Variants in RTL9 observed in about 807,000 individuals in gnomAD.
RTL9 encodes retrotransposon Gag like 9, also known as retrotransposon Gag-like protein 9.
A neutral mutation model predicts 44.7 loss-of-function variants in RTL9; 19 were observed. The ratio of observed to expected loss-of-function variants is 0.42; its 90% CI spans 0.30 to 0.62. The LOEUF (loss-of-function observed/expected upper bound fraction) is 0.62. Ranked by LOEUF, RTL9 falls within the 20% of genes least tolerant of loss-of-function variation. The probability of loss-of-function intolerance (pLI) is 0.16; values close to 1 mark genes in which losing one functional copy is unlikely to be tolerated. For synonymous variants in RTL9, 407 were observed against 398.9 expected (o/e 1.02, Z -0.24); for missense variants, 1,105 against 1,080.6 (o/e 1.02, Z -0.32).
intron 1 of RTL9, among the ~76,000 whole-genome samples, chrX:110,405,252 T>A (rs934500112): frequency 9.0e-6 from 1 of 111,388 alleles, no homozygotes; most frequent in African/African-American, 3.3e-5. Context: ...GGGAAGAAGA[T>A]GTAGAATGCC....
chrX:110,389,069 C>T (rs1328609182), intron 1 of RTL9, among the ~76,000 whole-genome samples: 2 of 111,785 alleles, frequency 1.8e-5, no homozygotes, highest in East Asian at 2.8e-4. Context: ...AATAGGTAGG[C>T]AATGAGATTA....
intron 1 of RTL9, among the ~76,000 whole-genome samples, chrX:110,392,429 G>A (rs1262625174): frequency 1.8e-5 from 2 of 110,221 alleles, no homozygotes; most frequent in Admixed American, 9.7e-5. Flanking sequence ...GTCATGTGCC[G>A]TCATGCCTGG....
At chrX:110,375,753 G>C (rs991557540) in intron 1 of RTL9, among the ~76,000 whole-genome samples, 20 of 112,084 alleles carry the variant, frequency 1.8e-4, no homozygotes, top group African/African-American at 5.5e-4. Flanking sequence ...AGTACTTTAA[G>C]GGTGAAATCA....
chrX:110,455,073 A>T, intron 1 of RTL9, 129 bp from the exon 4 acceptor site: 2 of 886,498 alleles, frequency 2.3e-6, no homozygotes, highest in Non-Finnish European at 3.2e-6. Context: ...CTCCTTGGTC[A>T]CACTGTATGC....
intron 1 of RTL9, among the ~76,000 whole-genome samples, chrX:110,390,772 T>C (rs1159284834): frequency 8.9e-6 from 1 of 112,247 alleles, no homozygotes; most frequent in Non-Finnish European, 1.9e-5. Context: ...GGTGAAATTG[T>C]TTTTTCATCT....
intron 1 of RTL9, among the ~76,000 whole-genome samples, chrX:110,440,528 T>C (rs2068872642): frequency 8.9e-6 from 1 of 111,824 alleles, no homozygotes; most frequent in Non-Finnish European, 1.9e-5. Flanking sequence ...TCCAACTTGC[T>C]GAAGTTGGTG....
chrX:110,453,333 G>A, exon 1 of RTL9: 1 of 1,211,530 alleles, frequency 8.3e-7, no homozygotes, highest in South Asian at 1.8e-5. Flanking sequence ...AAGAGCTCCA[G>A]CCTCTGGAAC....
intron 1 of RTL9, among the ~76,000 whole-genome samples, chrX:110,397,804 T>TG (rs1261193404): frequency 1.7e-4 from 19 of 111,431 alleles, no homozygotes; most frequent in Non-Finnish European, 3.2e-4. Flanking sequence ...GTAATGGACT[T>TG]GGGGGGGCAA....
At chrX:110,455,088 G>C in intron 1 of RTL9, 114 bp from the exon 4 acceptor site, 1 of 996,032 alleles carries the variant, frequency 1.0e-6, no homozygotes, top group East Asian at 3.1e-5. Context: ...GTATGCAAGT[G>C]AGATAAATTA....
intron 1 of RTL9, chrX:110,440,255 C>T (rs764330804): frequency 8.9e-6 from 1 of 111,808 alleles, no homozygotes; most frequent in South Asian, 3.8e-4. Flanking sequence ...GCAAGCAAAC[C>T]CGAAAACGGG....
At chrX:110,425,982 A>G (rs6655128) in intron 1 of RTL9, among the ~76,000 whole-genome samples, 8 of 103,375 alleles carry the variant, frequency 7.7e-5, no homozygotes, top group African/African-American at 2.1e-4. Flanking sequence ...GCGTGCGCGC[A>G]CACACACACA....
chrX:110,395,479 T>G (rs1202710784), intron 1 of RTL9, among the ~76,000 whole-genome samples: 1 of 111,873 alleles, frequency 8.9e-6, no homozygotes, highest in Non-Finnish European at 1.9e-5. Context: ...GTAATCCTCA[T>G]GTAATCCTAC....
At chrX:110,427,399 C>T (rs910897741) in intron 1 of RTL9, among the ~76,000 whole-genome samples, 4 of 111,840 alleles carry the variant, frequency 3.6e-5, no homozygotes, top group African/African-American at 1.3e-4. Flanking sequence ...AGTTAGAGTA[C>T]GTACTCATTA....
rs896925200 is a variant in RTL9 at position 110,405,365 on chromosome X, G to A, written c.-167-39788G>A. Among the ~76,000 whole-genome samples the A allele has an allele frequency of 3.6e-5, 4 of 111,454 alleles. No individual in the cohort carries two copies. In the East Asian group the frequency reaches 1.1e-3, roughly 31 times the overall value. Reference sequence around the variant, plus strand: ...TGAAAGGAGCCCCTTCTGAGCAAATGGGTAGCAGCGTAAAAGCCAAATTAA... The same window carrying A: ...TGAAAGGAGCCCCTTCTGAGCAAATAGGTAGCAGCGTAAAAGCCAAATTAA... On this transcript the variant is annotated intron_variant, in intron 1 of 2. Coordinates refer to the RTL9 transcript ENST00000520821.
chrX:110,448,371 G>A (rs1308484041), upstream of RTL9, among the ~76,000 whole-genome samples: 1 of 110,595 alleles, frequency 9.0e-6, no homozygotes, highest in Non-Finnish European at 1.9e-5. Context: ...CAGGACTCCT[G>A]TGTCTGTTCA....
At chrX:110,375,543 T>C (rs1205969645) in intron 1 of RTL9, among the ~76,000 whole-genome samples, 3 of 105,408 alleles carry the variant, frequency 2.8e-5, no homozygotes, top group African/African-American at 1.2e-4. Flanking sequence ...AATAGATGAA[T>C]GAATGAATGA....
intron 1 of RTL9, among the ~76,000 whole-genome samples, chrX:110,429,172 T>G (rs1460072323): frequency 8.9e-6 from 1 of 112,162 alleles, no homozygotes; most frequent in Non-Finnish European, 1.9e-5. Flanking sequence ...ATAATTATTT[T>G]TATATGTGTG....
intron 1 of RTL9, among the ~76,000 whole-genome samples, chrX:110,363,734 C>T (rs1256569196): frequency 9.0e-6 from 1 of 111,589 alleles, no homozygotes; most frequent in African/African-American, 3.3e-5. Flanking sequence ...TACATGACTC[C>T]ATCTCTTCAG....
intron 1 of RTL9, among the ~76,000 whole-genome samples, chrX:110,406,687 T>G (rs994397937): frequency 1.8e-5 from 2 of 112,142 alleles, no homozygotes; most frequent in African/African-American, 6.5e-5. Context: ...TCCAGTGTCT[T>G]CCACGATATT....
Sources: gnomAD v4.1 joint callset for allele counts (sites outside exome capture counted in the v4.1 genomes callset) on GRCh38, gnomAD v4.1.1 for gene constraint, MANE v1.5 for transcripts, NCBI Gene and HGNC (gene_info 2026-07-23, HGNC 2026-07-21) for gene names.